ZSWIM4: variants seen among roughly 807,000 people sequenced by gnomAD.
ZSWIM4 encodes zinc finger SWIM domain-containing protein 4.
Under a neutral mutation model 102.5 loss-of-function variants are expected in ZSWIM4, and 62 were observed. The ratio of observed to expected loss-of-function variants is 0.60; its 90% CI spans 0.49 to 0.75. ZSWIM4 has a LOEUF of 0.75. Ranked by LOEUF, ZSWIM4 falls within the 30% of genes least tolerant of loss-of-function variation. The probability of loss-of-function intolerance (pLI) is 0.00; values close to 1 mark genes in which losing one functional copy is unlikely to be tolerated. For synonymous variants in ZSWIM4, 652 were observed against 674.5 expected (o/e 0.97, Z 0.52); for missense variants, 1,280 against 1,529.6 (o/e 0.84, Z 2.72).
intron 7 of ZSWIM4, among the ~76,000 whole-genome samples, chr19:13,816,234 C>G (rs939351217): frequency 1.3e-5 from 2 of 152,076 alleles, no homozygotes; most frequent in Non-Finnish European, 2.9e-5. Context: ...CATGGGGGCC[C>G]TGGGACCCGA....
At chr19:13,822,163 T>TACACACAC (rs59602194) in intron 10 of ZSWIM4, among the ~76,000 whole-genome samples, 43 of 142,280 alleles carry the variant, frequency 3.0e-4, no homozygotes, top group East Asian at 1.7e-3. Context: ...CACACACACA[T>TACACACAC]ACACACACAC....
At chr19:13,822,149 AACACACACACACATACACACACACACAC>A (rs1318676848) in intron 10 of ZSWIM4, among the ~76,000 whole-genome samples, 1 of 113,204 alleles carries the variant, frequency 8.8e-6, no homozygotes, top group East Asian at 2.6e-4. Flanking sequence ...AAAACACACA[AACACACACACACATACACACACACACAC>A]ACACACACAC....
At chr19:13,821,540 ATC>A (rs935324677) in intron 10 of ZSWIM4, among the ~76,000 whole-genome samples, 1 of 152,046 alleles carries the variant, frequency 6.6e-6, no homozygotes, top group Non-Finnish European at 1.5e-5. Flanking sequence ...GCAAGACCCC[ATC>A]TCTCTCTTTT....
intron 3 of ZSWIM4, among the ~76,000 whole-genome samples, chr19:13,805,746 C>T (rs1230285046): frequency 4.0e-5 from 6 of 151,492 alleles, no homozygotes; most frequent in Admixed American, 3.3e-4. Flanking sequence ...CCGAGGTGGG[C>T]GGATCAGTTG....
In ZSWIM4 at chr19:13,825,641, C is replaced by T. The variant is rs1203760353; in HGVS notation, c.2307C>T (p.Cys769=). ...TCTTTAAGCTGGCGCAGGACGCCTG[C>T]AAGACAGCCACCCCGGTCAGCGCCC... ...ALLFKLAQDA[C]KTATPVSAPP... Residue 769 remains cysteine, a synonymous_variant, in exon 12 of 14, where the codon TGC becomes TGT. Transcript: ENST00000590508. The surrounding 1 kb of genome is among the most constrained non-coding windows in gnomAD (Gnocchi z 4.6). The T allele has an allele frequency of 6.2e-7, 1 of 1,613,844 alleles. No individual in the cohort carries two copies. The highest frequency in any genetic ancestry group is 1.3e-5 in the African/African-American group (1 of 74,954).
chr19:13,811,327 A>T (rs904597068), intron 5 of ZSWIM4, among the ~76,000 whole-genome samples: 5 of 152,178 alleles, frequency 3.3e-5, no homozygotes, highest in African/African-American at 1.2e-4. Flanking sequence ...AGACACAGAC[A>T]TATATACCAA....
chr19:13,811,591 A>C (rs1975093620), intron 5 of ZSWIM4, among the ~76,000 whole-genome samples: 1 of 152,168 alleles, frequency 6.6e-6, no homozygotes, highest in African/African-American at 2.4e-5. Context: ...ACTACTTGGA[A>C]GGCTGAGTGA....
chr19:13,823,387 A>T lies in ZSWIM4; in HGVS notation c.2102A>T (p.His701Leu), dbSNP rs772340315. 1 of 1,613,948 alleles carries T rather than the reference A, an allele frequency of 6.2e-7. No individual in the cohort carries two copies. The highest frequency in any genetic ancestry group is 1.1e-5 in the South Asian group (1 of 91,038). Residue 701 changes from histidine to leucine, a missense_variant, in exon 11 of 14, where the codon CAT becomes CTT. By Grantham distance (99) the His-to-Leu change is moderately conservative. Coordinates refer to ENST00000590508, the MANE Select transcript of ZSWIM4 (RefSeq NM_001367834.3). ...ACAGCATTTCCTGCTGGAGAACCTC[A>T]TCCCAGCCCGCTGGACTCCATCATG... is the stretch of plus-strand genomic sequence containing the variant. The part of the protein sequence containing the change: ...LETAFPAGEP[H>L]PSPLDSIMSN...
Position 13,831,098 on chromosome 19 carries a change from C to A in ZSWIM4, c.*48C>A. 1.3e-6 allele frequency: 2 copies of A among 1,511,672 alleles called. No homozygotes were observed. Among genetic ancestry groups the A allele is most frequent in the South Asian group, 2.6e-5 (2 of 76,478 alleles). 93.6% of individuals were successfully genotyped at this position (1,511,672 alleles called of 1,614,324 possible). On this transcript the variant is annotated 3_prime_UTR_variant, in exon 14 of 14. Transcript: ENST00000590508. The stretch of plus-strand genomic sequence containing the variant: ...TGGGGATCCCCCTCGCCCCTGCGTC[C>A]CCCACCCTTGCTCTCCAATTAGGCC...
intron 2 of ZSWIM4, among the ~76,000 whole-genome samples, chr19:13,802,315 A>T (rs1172769792): frequency 6.8e-6 from 1 of 147,208 alleles, no homozygotes; most frequent in African/African-American, 2.5e-5. Flanking sequence ...GGCCGGGCAC[A>T]GTGGCTCACA....
intron 7 of ZSWIM4, among the ~76,000 whole-genome samples, chr19:13,815,809 C>A (rs1236871563): frequency 2.0e-5 from 3 of 151,684 alleles, no homozygotes; most frequent in African/African-American, 7.3e-5. Flanking sequence ...CGTGGTGGCG[C>A]ACACCTGTAT....
intron 3 of ZSWIM4, 48 bp from the exon 4 acceptor site, chr19:13,808,787 AC>A (rs774370630): frequency 1.3e-5 from 19 of 1,506,842 alleles, no homozygotes; most frequent in Non-Finnish European, 1.5e-5. Flanking sequence ...ACCCAACCCA[AC>A]CCCAACTCCA....
chr19:13,823,525 C>T (rs1333964287), intron 11 of ZSWIM4, 25 bp downstream of exon 11: 1 of 1,550,984 alleles, frequency 6.4e-7, no homozygotes, highest in Non-Finnish European at 8.7e-7. Context: ...TGTCCCGATT[C>T]CTTTGTCTTC....
At chr19:13,812,868 C>T (rs570423290) in intron 5 of ZSWIM4, 129 bp from the exon 6 acceptor site, 3 of 981,142 alleles carry the variant, frequency 3.1e-6, no homozygotes, top group African/African-American at 1.6e-5. Flanking sequence ...GCAAAGGCTG[C>T]GAGTTGCAAC....
chr19:13,830,167 T>C, intron 13 of ZSWIM4, 24 bp from the exon 14 acceptor site: 1 of 1,597,814 alleles, frequency 6.3e-7, no homozygotes, highest in East Asian at 2.2e-5. Flanking sequence ...TCCTGACGGA[T>C]TTCCCTCCCT....
At chr19:13,813,873 A>G (rs1975182505) in intron 6 of ZSWIM4, among the ~76,000 whole-genome samples, 1 of 148,766 alleles carries the variant, frequency 6.7e-6, no homozygotes, top group African/African-American at 2.5e-5. Flanking sequence ...GTGAGCCAAG[A>G]TCGCACCACT....
rs1974998008 is a variant in ZSWIM4, at chr19:13,809,005, G to A, written c.861+21G>A. 8 of 1,609,150 alleles carry A rather than the reference G, an allele frequency of 5.0e-6. No homozygotes were observed. The highest frequency in any genetic ancestry group is 2.7e-5 in the African/African-American group (2 of 74,818). ...GCAAGGTGCCGTGCGGGCCGGCGGG[G>A]CGCGGGGTGCAGAAGGCCCCGGCGG... On this transcript the variant is annotated intron_variant, in intron 4 of 13. Coordinates refer to ENST00000590508, the MANE Select transcript of ZSWIM4 (RefSeq NM_001367834.3). The surrounding 1 kb of genome is among the most constrained non-coding windows in gnomAD (Gnocchi z 4.2).
intron 8 of ZSWIM4, 129 bp from the exon 9 acceptor site, chr19:13,817,593 A>C: frequency 8.2e-7 from 1 of 1,217,790 alleles, no homozygotes; most frequent in Non-Finnish European, 1.1e-6. Context: ...CAACCCCGTG[A>C]GTGCTGGGAG....
chr19:13,798,060 G>A (rs1974658513), intron 1 of ZSWIM4, among the ~76,000 whole-genome samples: 1 of 152,252 alleles, frequency 6.6e-6, no homozygotes, highest in Non-Finnish European at 1.5e-5. Context: ...GCTCACACTA[G>A]GTGGCTGTGA....
Sources: allele counts gnomAD v4.1 joint callset (sites outside exome capture counted in the v4.1 genomes callset), GRCh38; gene constraint gnomAD v4.1.1; non-coding constraint Gnocchi (gnomAD v3.1); transcripts MANE v1.5; gene names NCBI Gene and HGNC (gene_info 2026-07-23, HGNC 2026-07-21).